Variants in MYH13 observed in about 807,000 individuals in gnomAD.
MYH13 encodes myosin-13.
A neutral mutation model predicts 232.1 loss-of-function variants in MYH13; 177 were observed. The observed-to-expected ratio is 0.76, with a 90% confidence interval of 0.67 to 0.86. The LOEUF (loss-of-function observed/expected upper bound fraction) is 0.86, where lower values mean the gene tolerates loss of function less well. Among genes scored for constraint, MYH13 ranks in the 40% least tolerant of loss-of-function variants. MYH13 has a pLI of 0.00. For missense variants in MYH13, 2,246 were observed against 2,405.9 expected (o/e 0.93, Z 1.39); for synonymous variants, 884 against 923.5 (o/e 0.96, Z 0.78).
chr17:10,346,817 A>G lies in MYH13; in HGVS notation c.1145-19T>C. 6.3e-7 allele frequency: 1 copy of G among 1,591,240 alleles called. No individual in the cohort carries two copies. Among genetic ancestry groups the G allele is most frequent in the Non-Finnish European group, 8.6e-7 (1 of 1,159,852 alleles). ...TCAGCCACTGAAGGAAGAGAAAAAA[A>G]TGGCATCATGCAAAAACAGTAGCTG... is the stretch of plus-strand genomic sequence containing the variant. On this transcript the variant is annotated intron_variant, in intron 12 of 40. Transcript: ENST00000252172.
intron 16 of MYH13, among the ~76,000 whole-genome samples, chr17:10,343,136 G>A (rs566314925): frequency 8.8e-4 from 133 of 150,440 alleles, no homozygotes; most frequent in African/African-American, 3.0e-3. Context: ...ACGGGGGTGT[G>A]AAAAATGTTC....
At chr17:10,320,535 G>T in intron 24 of MYH13, 39 bp from the exon 25 acceptor site, 2 of 1,591,608 alleles carry the variant, frequency 1.3e-6, no homozygotes, top group South Asian at 1.1e-5. Context: ...GCCCCTGCTG[G>T]GGAAGTGTTT....
chr17:10,313,110 G>T, intron 30 of MYH13, 48 bp downstream of exon 30: 1 of 1,613,036 alleles, frequency 6.2e-7, no homozygotes, highest in Non-Finnish European at 8.5e-7. Flanking sequence ...TGGTCCCTTG[G>T]CTTGTGTCCT....
chr17:10,333,584 C>T (rs1479832078), intron 18 of MYH13, among the ~76,000 whole-genome samples: 1 of 152,160 alleles, frequency 6.6e-6, no homozygotes, highest in East Asian at 1.9e-4. Flanking sequence ...AATCTGCAGG[C>T]TGTGGCTGCA....
rs1220031153 is a variant in MYH13 at position 10,313,258 on chromosome 17, G to C, written c.4081C>G (p.Leu1361Val). ...TTGGCCTTGGACAGCGCCCTCTGCA[G>C]CTCGGCCTTGGCTTCCTGCTCCTCC... is the stretch of plus-strand genomic sequence containing the variant. ...YEEEQEAKAE[L>V]QRALSKANSE... The change falls in exon 30 of 41, where the codon CTG (leucine) becomes GTG (valine). Residue 1361 changes from leucine (L) to valine (V), a missense_variant. Coordinates refer to ENST00000252172, the MANE Select transcript of MYH13 (RefSeq NM_003802.3). The C allele has an allele frequency of 1.1e-5, 18 of 1,614,226 alleles. No individual in the cohort carries two copies. Among genetic ancestry groups the C allele is most frequent in the Non-Finnish European group, 1.5e-5 (18 of 1,180,042 alleles).
intron 22 of MYH13, among the ~76,000 whole-genome samples, chr17:10,326,004 C>T (rs1279963604): frequency 6.6e-6 from 1 of 152,198 alleles, no homozygotes; most frequent in Admixed American, 6.5e-5. Flanking sequence ...ACACACACTG[C>T]AGGGTAATGC....
Position 10,306,459 on chromosome 17 carries a change from C to G in MYH13, c.5466G>C (p.Arg1822=). The change falls in exon 37 of 41, where the codon CGG becomes CGC. Residue 1822 remains arginine, a splice_region_variant and synonymous_variant. Transcript: ENST00000252172. This position sits in a 1 kb window ranked among gnomAD's most constrained non-coding sequence, Gnocchi z 4.3. ...GKKQIQKLEN[R]VRELENELDV... ...GTAACAGTCCTCTCAAAAACTCTACCCGGTTCTCCAGTTTCTGGATCTGCT... is the reference window on the plus strand; with the variant it reads ...GTAACAGTCCTCTCAAAAACTCTACGCGGTTCTCCAGTTTCTGGATCTGCT... 1 of 1,614,078 alleles carries G rather than the reference C, an allele frequency of 6.2e-7. No individual in the cohort carries two copies. Among genetic ancestry groups the G allele is most frequent in the Non-Finnish European group, 8.5e-7 (1 of 1,180,008 alleles).
At chr17:10,371,792 T>G (rs1300445323) in intron 1 of MYH13, among the ~76,000 whole-genome samples, 1 of 152,100 alleles carries the variant, frequency 6.6e-6, no homozygotes, top group Admixed American at 6.6e-5. Context: ...AGGAGAAAAG[T>G]TATAAATTGT....
intron 16 of MYH13, among the ~76,000 whole-genome samples, chr17:10,341,637 C>T (rs1171742367): frequency 6.6e-6 from 1 of 152,096 alleles, no homozygotes; most frequent in Admixed American, 6.6e-5. Flanking sequence ...CCCACTTTGT[C>T]CCCGGGGTCT....
chr17:10,346,405 A>T (rs1477037053), intron 13 of MYH13, among the ~76,000 whole-genome samples: 1 of 152,192 alleles, frequency 6.6e-6, no homozygotes, highest in African/African-American at 2.4e-5. Flanking sequence ...ACAACAGAGG[A>T]GAGACTCAAC....
At position 10,320,426 on chromosome 17, in the gene MYH13, C is replaced by T. The variant is rs1906897899; in HGVS notation, c.3182G>A (p.Gly1061Glu). 2 of 1,613,408 alleles carry T rather than the reference C, an allele frequency of 1.2e-6. No individual in the cohort carries two copies. The highest frequency in any genetic ancestry group is 1.3e-5 in the African/African-American group (1 of 74,930). The change falls in exon 25 of 41, where the codon GGA becomes GAA. Residue 1061 changes from glycine (G) to glutamate (E), a missense_variant. Coordinates refer to ENST00000252172, the MANE Select transcript of MYH13 (RefSeq NM_003802.3). ...DLERAKRKLE[G>E]DLKMSQESIM... ...GGATTCCTGGGACATTTTCAGATCT[C>T]CTTCCAGCTTCCTCTTCGCCCTTTC... is the stretch of plus-strand genomic sequence containing the variant.
At chr17:10,322,702 C>T (rs530500004) in intron 23 of MYH13, among the ~76,000 whole-genome samples, 14 of 143,826 alleles carry the variant, frequency 9.7e-5, no homozygotes, top group African/African-American at 3.3e-4. Context: ...GGCGCAGTCT[C>T]AGCTCACTGC....
intron 12 of MYH13, among the ~76,000 whole-genome samples, chr17:10,350,136 T>G (rs1361545136): frequency 6.6e-6 from 1 of 152,042 alleles, no homozygotes; most frequent in African/African-American, 2.4e-5. Context: ...GACGCTGGGG[T>G]GGAGGCGATG....
Position 10,328,112 on chromosome 17 carries a change from G to C in MYH13, c.2445C>G (p.Ile815Met). The change falls in exon 22 of 41, where the codon ATC becomes ATG. Residue 815 changes from isoleucine (I) to methionine (M), a missense_variant. Coordinates refer to ENST00000252172, the MANE Select transcript of MYH13 (RefSeq NM_003802.3). ...FKKMMERRDS[I>M]FCIQYNIRSF... ...AGCGGATGTTGTACTGGATGCAGAAGATGGAGTCCCTGTACACCCATTAGG... is the reference window on the plus strand; with the variant it reads ...AGCGGATGTTGTACTGGATGCAGAACATGGAGTCCCTGTACACCCATTAGG... 2 of 1,613,942 alleles carry C rather than the reference G, an allele frequency of 1.2e-6. No individual in the cohort carries two copies. Among genetic ancestry groups the C allele is most frequent in the Non-Finnish European group, 1.7e-6 (2 of 1,179,950 alleles).
intron 2 of MYH13, 83 bp from the exon 3 acceptor site, chr17:10,364,625 C>CAG (rs35276632): frequency 0.19 from 236,594 of 1,224,546 alleles, 25,992 homozygotes; most frequent in Non-Finnish European, 0.22. Flanking sequence ...TCTATTAAAA[C>CAG]GGGGCCAGAT....
chr17:10,322,296 G>A (rs574900150), intron 23 of MYH13, among the ~76,000 whole-genome samples: 2 of 152,258 alleles, frequency 1.3e-5, no homozygotes, highest in Non-Finnish European at 2.9e-5. Flanking sequence ...TACTCAGGAG[G>A]CTGAAACAGG....
At chr17:10,366,202 G>A (rs12951469) in intron 2 of MYH13, among the ~76,000 whole-genome samples, 6 of 151,014 alleles carry the variant, frequency 4.0e-5, no homozygotes, top group South Asian at 2.1e-4. Flanking sequence ...ATTCCCCCTC[G>A]GCACCTCTTC....
At position 10,313,352 on chromosome 17, in the gene MYH13, G is replaced by A; in HGVS notation, c.3987C>T (p.Ala1329=). The change falls in exon 30 of 41, where the codon GCC becomes GCT. Residue 1329 remains alanine, a splice_region_variant and synonymous_variant. Transcript: ENST00000252172. ...LKRQMEEETK[A]KNAMAHALQS... ...GCAGGGCGTGCGCCATGGCGTTCTT[G>A]GCCTGGGAATGACAGCGGTGACAAA... 3 of 1,614,244 alleles carry A rather than the reference G, an allele frequency of 1.9e-6. No homozygotes were observed. The highest frequency in any genetic ancestry group is 2.5e-6 in the Non-Finnish European group (3 of 1,180,052).
At chr17:10,330,572 C>T (rs1228340784) in intron 20 of MYH13, 49 bp from the exon 21 acceptor site, 1 of 1,560,628 alleles carries the variant, frequency 6.4e-7, no homozygotes, top group Non-Finnish European at 8.7e-7. Flanking sequence ...AGCAGGCGTT[C>T]AGCCGGGCCC....
Sources: gnomAD v4.1 joint callset for allele counts (sites outside exome capture counted in the v4.1 genomes callset) on GRCh38, gnomAD v4.1.1 for gene constraint, Gnocchi (gnomAD v3.1) non-coding constraint, MANE v1.5 for transcripts, NCBI Gene and HGNC (gene_info 2026-07-23, HGNC 2026-07-21) for gene names.